The following ANKS1B variants were observed in gnomAD, a reference collection of about 807,000 sequenced individuals.
ANKS1B encodes ankyrin repeat and sterile alpha motif domain containing 1B.
In ANKS1B, 36 loss-of-function variants were observed where a neutral mutation model predicts 148.3. The ratio of observed to expected loss-of-function variants is 0.24; its 90% CI spans 0.19 to 0.32. The LOEUF is 0.32. Ranked by LOEUF, ANKS1B falls within the 10% of genes least tolerant of loss-of-function variation. ANKS1B has a pLI of 1.00. For missense variants in ANKS1B, 1,157 were observed against 1,542.6 expected (o/e 0.75, Z 4.19); for synonymous variants, 542 against 560.8 (o/e 0.97, Z 0.47).
At chr12:98,863,161 G>T (rs899645814) in intron 17 of ANKS1B, among the ~76,000 whole-genome samples, 40 of 152,152 alleles carry the variant, frequency 2.6e-4, no homozygotes, top group African/African-American at 9.7e-4. Context: ...GTCTTGTCCT[G>T]CATAATTAAG....
intron 12 of ANKS1B, among the ~76,000 whole-genome samples, chr12:99,311,910 A>G (rs1382703504): frequency 6.6e-6 from 1 of 152,122 alleles, no homozygotes; most frequent in Non-Finnish European, 1.5e-5. Flanking sequence ...TGACGGGTGC[A>G]AAATCTTAGA....
At chr12:99,673,532 A>C (rs184280801) in intron 8 of ANKS1B, among the ~76,000 whole-genome samples, 1 of 152,230 alleles carries the variant, frequency 6.6e-6, no homozygotes, top group Admixed American at 6.5e-5. Context: ...TATAAGCATT[A>C]TATGACATAA....
intron 12 of ANKS1B, among the ~76,000 whole-genome samples, chr12:99,291,523 T>C (rs956904714): frequency 2.0e-5 from 3 of 152,136 alleles, no homozygotes; most frequent in South Asian, 2.1e-4. Flanking sequence ...AAAAACAGCA[T>C]GGTTCTAGCA....
chr12:98,981,450 C>G (rs2099910511), intron 17 of ANKS1B, among the ~76,000 whole-genome samples: 1 of 152,156 alleles, frequency 6.6e-6, no homozygotes, highest in Non-Finnish European at 1.5e-5. Flanking sequence ...ATTCTGCTGC[C>G]TCAGCCTCCC....
chr12:99,645,031 G>A (rs1171131021), intron 9 of ANKS1B, among the ~76,000 whole-genome samples: 1 of 152,142 alleles, frequency 6.6e-6, no homozygotes, highest in African/African-American at 2.4e-5. Context: ...ATCCTAAACT[G>A]AATCACATCT....
chr12:99,231,654 T>TTA (rs1555348952), intron 14 of ANKS1B, among the ~76,000 whole-genome samples: 2 of 150,948 alleles, frequency 1.3e-5, no homozygotes, highest in Non-Finnish European at 3.0e-5. Flanking sequence ...TAAATACATT[T>TTA]AAAAAAAAAT....
chr12:98,888,075 A>G (rs1288361308), intron 17 of ANKS1B, among the ~76,000 whole-genome samples: 1 of 152,228 alleles, frequency 6.6e-6, no homozygotes, highest in Non-Finnish European at 1.5e-5. Context: ...ATTTCTGGGC[A>G]GTGGTATTTG....
At chr12:99,270,312 TC>T (rs2076903320) in intron 12 of ANKS1B, among the ~76,000 whole-genome samples, 1 of 152,198 alleles carries the variant, frequency 6.6e-6, no homozygotes, top group South Asian at 2.1e-4. Flanking sequence ...AAATATCACC[TC>T]CTCAGAGAGG....
intron 20 of ANKS1B, among the ~76,000 whole-genome samples, chr12:98,803,498 C>T (rs1215500809): frequency 6.6e-6 from 1 of 152,138 alleles, no homozygotes; most frequent in Non-Finnish European, 1.5e-5. Flanking sequence ...TGGAATGATA[C>T]AAAAGGAGGA....
intron 17 of ANKS1B, among the ~76,000 whole-genome samples, chr12:98,927,884 A>G (rs558281509): frequency 3.2e-4 from 49 of 151,800 alleles, no homozygotes; most frequent in Non-Finnish European, 6.5e-4. Context: ...TGGAAAAAGA[A>G]GAGCAAATTA....
chr12:99,046,137 G>A (rs1012298858), intron 17 of ANKS1B, among the ~76,000 whole-genome samples: 4 of 152,172 alleles, frequency 2.6e-5, no homozygotes, highest in African/African-American at 7.2e-5. Flanking sequence ...TATTGCCCTC[G>A]TGGTGGGGAA....
At chr12:99,811,331 T>C (rs2068336020) in intron 3 of ANKS1B, among the ~76,000 whole-genome samples, 1 of 151,904 alleles carries the variant, frequency 6.6e-6, no homozygotes, top group Admixed American at 6.6e-5. Flanking sequence ...ATTGGACAAC[T>C]GCCAACCTGC....
At chr12:99,599,030 T>C (rs895382937) in intron 9 of ANKS1B, among the ~76,000 whole-genome samples, 27 of 152,164 alleles carry the variant, frequency 1.8e-4, no homozygotes, top group African/African-American at 6.5e-4. Flanking sequence ...TATTGCACAA[T>C]TTTTAAGTCT....
At chr12:99,270,283 C>T (rs1018159444) in intron 12 of ANKS1B, among the ~76,000 whole-genome samples, 4 of 152,158 alleles carry the variant, frequency 2.6e-5, no homozygotes, top group African/African-American at 7.2e-5. Flanking sequence ...TTCCTTTTCT[C>T]ATTATGAGAG....
chr12:99,498,417 C>T (rs919392493), intron 10 of ANKS1B, among the ~76,000 whole-genome samples: 2 of 152,186 alleles, frequency 1.3e-5, no homozygotes, highest in Non-Finnish European at 2.9e-5. Context: ...CTCTGCATCT[C>T]TGCACACACT....
intron 13 of ANKS1B, 133 bp downstream of exon 13, chr12:99,246,142 T>C (rs895045819): frequency 3.0e-6 from 2 of 658,872 alleles, no homozygotes; most frequent in Non-Finnish European, 4.9e-6. Flanking sequence ...CACAGAACCA[T>C]TTCATTCCAG....
intron 17 of ANKS1B, among the ~76,000 whole-genome samples, chr12:99,025,502 A>AAGAAGTCCATGTCAGGCTGTTGCTTT (rs2099948231): frequency 6.6e-6 from 1 of 152,234 alleles, no homozygotes; most frequent in South Asian, 2.1e-4. Context: ...GGAACTGGTT[A>AAGAAGTCCATGTCAGGCTGTTGCTTT]AGAAGTCCAT....
intron 14 of ANKS1B, among the ~76,000 whole-genome samples, chr12:99,189,356 A>G (rs2080324763): frequency 6.6e-6 from 1 of 152,214 alleles, no homozygotes; most frequent in Non-Finnish European, 1.5e-5. Context: ...GACCAGCATC[A>G]TCCTGATACC....
chr12:99,530,000 G>T (rs2096971226), intron 9 of ANKS1B, among the ~76,000 whole-genome samples: 1 of 152,164 alleles, frequency 6.6e-6, no homozygotes, highest in African/African-American at 2.4e-5. Flanking sequence ...CAGGGTTCAA[G>T]AAACCAACCA....
Sources: gnomAD v4.1 joint callset for allele counts (sites outside exome capture counted in the v4.1 genomes callset) on GRCh38, gnomAD v4.1.1 for gene constraint, MANE v1.5 for transcripts, NCBI Gene and HGNC (gene_info 2026-07-23, HGNC 2026-07-21) for gene names.